Variants in PRSS55 observed in about 807,000 individuals in gnomAD.
The protein encoded by PRSS55 is serine protease 55, also known as probable serine protease UNQ9391/PRO34284.
In PRSS55, 41 loss-of-function variants were observed where a neutral mutation model predicts 23.6. The observed-to-expected ratio is 1.74, with a 90% CI of 1.35 to 2.26. The LOEUF (loss-of-function observed/expected upper bound fraction) is 2.26. PRSS55 is among the 30% of genes most tolerant of loss of function. The pLI, the probability that PRSS55 is intolerant of heterozygous loss-of-function variation, is 0.00. For missense variants in PRSS55, 669 were observed against 439.1 expected (o/e 1.52, Z -4.68); for synonymous variants, 262 against 175.5 (o/e 1.49, Z -3.90).
At chr8:10,532,634 C>G (rs776213534) in intron 3 of PRSS55, among the ~76,000 whole-genome samples, 1 of 152,190 alleles carries the variant, frequency 6.6e-6, no homozygotes, top group Non-Finnish European at 1.5e-5. Flanking sequence ...GAAGCTGAGT[C>G]TGTGGGGCTG....
In PRSS55 at chr8:10,525,703, C is replaced by T. The variant is rs765848146; in HGVS notation, c.118C>T (p.Arg40Cys). 66 of 1,613,014 alleles carry T rather than the reference C, an allele frequency of 4.1e-5. No homozygotes were observed. The highest frequency in any genetic ancestry group is 1.2e-4 in the Admixed American group (7 of 59,832). ...AILGRARGAH[R>C]PQPPHPPSPV... ...CCTAGGCAGGGCTAGGGGAGCCCAC[C>T]GCCCTCAGCCCCCTCATCCCCCCAG... Residue 40 changes from arginine to cysteine, a missense_variant, in exon 1 of 5, where the codon CGC (arginine) becomes TGC (cysteine). Coordinates refer to ENST00000328655, the MANE Select transcript of PRSS55 (RefSeq NM_198464.4).
At chr8:10,548,395 T>C (rs1374673478) in intron 4 of PRSS55, among the ~76,000 whole-genome samples, 4 of 151,974 alleles carry the variant, frequency 2.6e-5, no homozygotes, top group Non-Finnish European at 2.9e-5. Flanking sequence ...GCTGGAGCCT[T>C]CCAGGAGAGG....
At chr8:10,536,744 C>A (rs1812469111) in intron 4 of PRSS55, among the ~76,000 whole-genome samples, 2 of 152,176 alleles carry the variant, frequency 1.3e-5, no homozygotes, top group South Asian at 4.1e-4. Context: ...GGCCATTATT[C>A]TAAGTGAATT....
downstream of PRSS55, chr8:10,538,928 G>A: frequency 1.1e-6 from 1 of 889,554 alleles, no homozygotes; most frequent in Non-Finnish European, 1.7e-6. Context: ...AGTCACCCTG[G>A]GTCCCTGGTT....
At chr8:10,534,459 A>G (rs1046355669) in intron 4 of PRSS55, among the ~76,000 whole-genome samples, 2 of 152,192 alleles carry the variant, frequency 1.3e-5, no homozygotes, top group Admixed American at 1.3e-4. Flanking sequence ...TCCACTGAAG[A>G]CTGCTTGCAA....
intron 1 of PRSS55, 151 bp downstream of exon 1, chr8:10,525,890 C>G: frequency 1.1e-6 from 1 of 883,578 alleles, no homozygotes; most frequent in South Asian, 1.9e-5. Context: ...CCTCTCTCCC[C>G]TGGCCCAGTG....
At chr8:10,551,077 C>T (rs916266066) in intron 4 of PRSS55, among the ~76,000 whole-genome samples, 10 of 152,206 alleles carry the variant, frequency 6.6e-5, no homozygotes, top group Non-Finnish European at 1.5e-4. Context: ...GAAGGTCCTG[C>T]AAGTGATGAG....
At position 10,532,936 on chromosome 8, in the gene PRSS55, T is replaced by A; in HGVS notation, c.629T>A (p.Met210Lys). ...AAAAACTCTGTGAAAACGGATCTGA[T>A]GAAAGCGCCAATGGTCATCATGGAC... Reference protein sequence around the residue: ...ADKNSVKTDLMKAPMVIMDWE... With the variant: ...ADKNSVKTDLKKAPMVIMDWE... The change falls in exon 4 of 5, where the codon ATG (methionine) becomes AAG (lysine). Residue 210 changes from methionine to lysine, a missense_variant. Physicochemically the swap from Met to Lys is moderately conservative, Grantham distance 95 (BLOSUM62 -1). Transcript: ENST00000328655. 6.2e-7 allele frequency: 1 copy of A among 1,614,188 alleles called. No individual in the cohort carries two copies. Among genetic ancestry groups the A allele is most frequent in the African/African-American group, 1.3e-5 (1 of 75,048 alleles).
At chr8:10,529,293 C>CT (rs1812155875) in intron 1 of PRSS55, 1 of 601,984 alleles carries the variant, frequency 1.7e-6, no homozygotes, top group East Asian at 2.8e-5. Flanking sequence ...GCTTCTGACT[C>CT]TATCTGTTGC....
At position 10,547,310 on chromosome 8, in the gene PRSS55, C is replaced by A. The variant is rs150507946; in HGVS notation, c.742-6633C>A. ...CCTCACCCAAAGACCGGGCCTCCAA[C>A]AACGCCCCCTCCCTCCCCGAGAGCC... is the stretch of plus-strand genomic sequence containing the variant. On this transcript the variant is annotated intron_variant, in intron 4 of 4. Coordinates refer to the PRSS55 transcript ENST00000522210. 39 of 152,570 alleles carry A rather than the reference C, an allele frequency of 2.6e-4. No individual in the cohort carries two copies. The East Asian group carries it at 7.5e-3, about 29-fold the overall frequency. The allele number at this position is 152,570 out of a possible 1,614,324, so 9.5% of individuals were successfully genotyped here.
chr8:10,543,481 T>TC (rs1168240275), downstream of PRSS55, among the ~76,000 whole-genome samples: 271 of 19,724 alleles, frequency 0.014, 4 homozygotes, highest in Middle Eastern at 0.079. Flanking sequence ...TCTTTCTCTC[T>TC]TTTTTTTTTT....
intron 4 of PRSS55, among the ~76,000 whole-genome samples, chr8:10,546,077 A>G (rs1022393994): frequency 1.8e-4 from 28 of 152,190 alleles, no homozygotes; most frequent in African/African-American, 6.7e-4. Context: ...GAGCAAAGGC[A>G]GGGCTCGGTG....
chr8:10,539,115 G>A (rs1686248394), downstream of PRSS55, among the ~76,000 whole-genome samples: 1 of 151,892 alleles, frequency 6.6e-6, no homozygotes, highest in African/African-American at 2.4e-5. Context: ...AGGCGTGGCT[G>A]AGTCCAGGGG....
downstream of PRSS55, among the ~76,000 whole-genome samples, chr8:10,543,752 A>T (rs1243096137): frequency 6.6e-6 from 1 of 151,990 alleles, no homozygotes; most frequent in Non-Finnish European, 1.5e-5. Context: ...CATTGACCTT[A>T]AAGTATTTTC....
intron 1 of PRSS55, among the ~76,000 whole-genome samples, chr8:10,525,978 C>A (rs1203330665): frequency 6.6e-6 from 1 of 152,212 alleles, no homozygotes; most frequent in Non-Finnish European, 1.5e-5. Context: ...TGCCCTGAAG[C>A]TCTTGCCTAG....
chr8:10,533,808 T>C (rs943533167), intron 4 of PRSS55, among the ~76,000 whole-genome samples: 3 of 152,170 alleles, frequency 2.0e-5, no homozygotes, highest in Admixed American at 2.0e-4. Context: ...CAAATGAAGA[T>C]GATAAATATT....
intron 1 of PRSS55, 38 bp from the exon 2 acceptor site, chr8:10,529,469 T>C: frequency 6.2e-7 from 1 of 1,603,636 alleles, no homozygotes. Context: ...TGACTAAGTG[T>C]TTCCCCTTTT....
chr8:10,545,099 G>A (rs567036560), intron 4 of PRSS55: 9 of 647,286 alleles, frequency 1.4e-5, no homozygotes, highest in East Asian at 1.4e-4. Flanking sequence ...GTTTTGCTTC[G>A]AAATTTCCAA....
rs73662856 is a variant in PRSS55 at position 10,544,118 on chromosome 8, G to C, written c.742-9825G>C. Among the ~76,000 whole-genome samples, 1,214 of 150,348 alleles carry C rather than the reference G, an allele frequency of 8.1e-3. 16 individuals carry two copies. Among genetic ancestry groups the C allele is most frequent in the African/African-American group, 0.026 (1,068 of 41,258 alleles). On this transcript the variant is annotated intron_variant, in intron 4 of 4. Coordinates refer to the PRSS55 transcript ENST00000522210. The stretch of plus-strand genomic sequence containing the variant: ...TTGTTCTATCCATTATTTAACATGA[G>C]ATTTAAGTCTCCAACTTCTGTTATT...
Sources: gnomAD v4.1 joint callset for allele counts (sites outside exome capture counted in the v4.1 genomes callset) on GRCh38, gnomAD v4.1.1 for gene constraint, MANE v1.5 for transcripts, NCBI Gene and HGNC (gene_info 2026-07-23, HGNC 2026-07-21) for gene names.